The following IFNAR2 variants were observed in gnomAD, a reference collection of about 807,000 sequenced individuals.
IFNAR2 encodes interferon alpha and beta receptor subunit 2, also known as interferon alpha/beta receptor 2.
IFNAR2 carries 30 observed loss-of-function variants against 49.4 expected under a neutral mutation model. The ratio of observed to expected loss-of-function variants is 0.61; its 90% CI spans 0.45 to 0.82. The LOEUF is 0.82. Among genes scored for constraint, IFNAR2 ranks in the 40% least tolerant of loss-of-function variants. The probability of loss-of-function intolerance (pLI) is 0.00; values close to 1 mark genes in which losing one functional copy is unlikely to be tolerated. For missense variants in IFNAR2, 600 were observed against 622.7 expected, an observed-to-expected ratio of 0.96 and a Z score of 0.39; for synonymous variants, 224 against 234.5, an observed-to-expected ratio of 0.96 and a Z score of 0.41.
intron 1 of IFNAR2, among the ~76,000 whole-genome samples, chr21:33,231,343 G>C (rs1568872273): frequency 6.6e-6 from 1 of 152,172 alleles, no homozygotes; most frequent in East Asian, 1.9e-4. Context: ...AAAATGACTT[G>C]AACTTGTAAG....
chr21:33,245,789 C>A (rs1354344327), intron 4 of IFNAR2, among the ~76,000 whole-genome samples: 1 of 152,178 alleles, frequency 6.6e-6, no homozygotes, highest in Non-Finnish European at 1.5e-5. Flanking sequence ...ATTGACTGAG[C>A]CAGTGGGAGA....
chr21:33,230,494 C>A lies in IFNAR2; in HGVS notation c.-84+278C>A, dbSNP rs1289590623. 2.1e-6 allele frequency: 1 copy of A among 470,330 alleles called. No individual in the cohort carries two copies. 29.1% of individuals were successfully genotyped at this position (470,330 alleles called of 1,614,324 possible). A position where few individuals can be genotyped will look rare whatever the true frequency, so the allele number is the denominator to read the frequency against. On this transcript the variant is annotated intron_variant, in intron 1 of 8. Coordinates refer to ENST00000342136, the MANE Select transcript of IFNAR2 (RefSeq NM_001289125.3). The surrounding 1 kb of genome is among the most constrained non-coding windows in gnomAD (Gnocchi z 5.5). ...GCTGGGAGTCCGCTTTCGTTGCACCCCTCCGCGTCCCACCCCACCCCACCA... is the reference window on the plus strand; with the variant it reads ...GCTGGGAGTCCGCTTTCGTTGCACCACTCCGCGTCCCACCCCACCCCACCA...
rs1345841546 is a variant in IFNAR2 at position 33,229,948 on chromosome 21, T to G, written c.-352T>G. The stretch of plus-strand genomic sequence containing the variant: ...GGCGCCCGCGCTTCCGTATCGCTCC[T>G]CGTAGGCCGGGGCTCGGCGCGCGCA... On this transcript the variant is annotated 5_prime_UTR_variant, in exon 1 of 9. Transcript: ENST00000342136. 2.0e-6 allele frequency: 2 copies of G among 983,310 alleles called. No homozygotes were observed. Among genetic ancestry groups the G allele is most frequent in the Non-Finnish European group, 2.4e-6 (2 of 829,320 alleles). 60.9% of individuals were successfully genotyped at this position (983,310 alleles called of 1,614,324 possible).
chr21:33,262,504 A>G (rs1988675387), intron 8 of IFNAR2: 4 of 674,288 alleles, frequency 5.9e-6, no homozygotes, highest in South Asian at 3.2e-5. Context: ...TATTGCTGTC[A>G]TCATCATCAA....
intron 4 of IFNAR2, among the ~76,000 whole-genome samples, chr21:33,245,581 G>A (rs1350737724): frequency 6.6e-6 from 1 of 152,212 alleles, no homozygotes; most frequent in Non-Finnish European, 1.5e-5. Flanking sequence ...CACTTGGCAC[G>A]GACCTCAGCC....
intron 5 of IFNAR2, among the ~76,000 whole-genome samples, chr21:33,247,101 C>T (rs1376039758): frequency 6.6e-6 from 1 of 152,154 alleles, no homozygotes; most frequent in Non-Finnish European, 1.5e-5. Flanking sequence ...ATAATTTGTA[C>T]TTTGCAGATT....
chr21:33,237,167 TG>T (rs1372987539), intron 1 of IFNAR2, among the ~76,000 whole-genome samples: 1 of 151,246 alleles, frequency 6.6e-6, no homozygotes, highest in African/African-American at 2.4e-5. Context: ...AAGATGAAGA[TG>T]TGCCACCGTT....
chr21:33,244,618 C>A (rs2236756), intron 3 of IFNAR2, among the ~76,000 whole-genome samples: 103,661 of 151,908 alleles, frequency 0.68, 36,006 homozygotes, highest in African/African-American at 0.8. Context: ...GGAAGTGCAT[C>A]ATGTGGGCTG....
intron 7 of IFNAR2, among the ~76,000 whole-genome samples, chr21:33,255,313 G>A (rs1351000371): frequency 2.0e-5 from 3 of 152,122 alleles, no homozygotes; most frequent in African/African-American, 7.2e-5. Flanking sequence ...ACAGGTTAAA[G>A]GCTCAGTCCC....
chr21:33,247,791 AC>A (rs1436417299), intron 5 of IFNAR2, among the ~76,000 whole-genome samples: 1 of 152,210 alleles, frequency 6.6e-6, no homozygotes, highest in Admixed American at 6.5e-5. Context: ...TTCCAAGAGA[AC>A]CATCTGGTCT....
chr21:33,234,489 C>T (rs543523552), intron 1 of IFNAR2, among the ~76,000 whole-genome samples: 1 of 152,122 alleles, frequency 6.6e-6, no homozygotes, highest in Non-Finnish European at 1.5e-5. Flanking sequence ...TTATTCATTG[C>T]CTCCTTGACA....
chr21:33,255,429 T>G (rs1031630209), intron 7 of IFNAR2, among the ~76,000 whole-genome samples: 2 of 152,200 alleles, frequency 1.3e-5, no homozygotes, highest in African/African-American at 4.8e-5. Context: ...TCCCATGACC[T>G]CCCTTTAGGT....
chr21:33,263,736 G>T lies in IFNAR2; in HGVS notation c.*236G>T. 1.9e-6 allele frequency: 1 copy of T among 535,526 alleles called. No homozygotes were observed. The highest frequency in any genetic ancestry group is 3.3e-6 in the Non-Finnish European group (1 of 300,564). The allele number at this position is 535,526 out of a possible 1,614,324, so 33.2% of individuals were successfully genotyped here. On this transcript the variant is annotated 3_prime_UTR_variant, in exon 9 of 9. Transcript: ENST00000342136. Reference sequence around the variant, plus strand: ...GGTGCACTTTGAAGGAAGCACATGTGCACCTTTCCTTTACACTAATGCACT... The same window carrying T: ...GGTGCACTTTGAAGGAAGCACATGTTCACCTTTCCTTTACACTAATGCACT...
Position 33,230,384 on chromosome 21 carries a change from T to TG in IFNAR2, c.-84+169dup. 1.8e-6 allele frequency: 1 copy of TG among 561,056 alleles called. No homozygotes were observed. Among genetic ancestry groups the TG allele is most frequent in the Non-Finnish European group, 2.8e-6 (1 of 362,222 alleles). 34.8% of individuals were successfully genotyped at this position (561,056 alleles called of 1,614,324 possible). A position where few individuals can be genotyped will look rare whatever the true frequency, so the allele number is the denominator to read the frequency against. ...CTCTGCGTCTTGAGTATGCGGCTAG[T>TG]GCGCCCTTCCTCTCTCCCGGGGCCG... is the stretch of plus-strand genomic sequence containing the variant. On this transcript the variant is annotated intron_variant, in intron 1 of 8. Transcript: ENST00000342136. The surrounding 1 kb of genome is among the most constrained non-coding windows in gnomAD (Gnocchi z 5.5).
chr21:33,241,375 G>A (rs1304886397), intron 1 of IFNAR2, among the ~76,000 whole-genome samples: 2 of 151,944 alleles, frequency 1.3e-5, no homozygotes, highest in African/African-American at 4.8e-5. Flanking sequence ...CTATAGTAGG[G>A]GTACTAATTA....
At chr21:33,247,501 C>T (rs952763674) in intron 5 of IFNAR2, among the ~76,000 whole-genome samples, 10 of 152,132 alleles carry the variant, frequency 6.6e-5, no homozygotes, top group Non-Finnish European at 1.5e-4. Flanking sequence ...CCACCCGCCT[C>T]AGCCTGCCAA....
intron 8 of IFNAR2, 147 bp downstream of exon 8, chr21:33,260,874 A>G (rs1377201561): frequency 5.6e-6 from 3 of 538,058 alleles, no homozygotes; most frequent in Non-Finnish European, 9.3e-6. Context: ...GTTCTTTTCC[A>G]TATCTATAAA....
At chr21:33,242,472 C>G (rs1221757000) in intron 2 of IFNAR2, among the ~76,000 whole-genome samples, 2 of 151,900 alleles carry the variant, frequency 1.3e-5, no homozygotes, top group Non-Finnish European at 2.9e-5. Flanking sequence ...GTGGCTCGCG[C>G]CTGTAATCCC....
intron 7 of IFNAR2, among the ~76,000 whole-genome samples, chr21:33,258,092 G>A (rs936224281): frequency 1.3e-5 from 2 of 152,152 alleles, no homozygotes; most frequent in Non-Finnish European, 2.9e-5. Flanking sequence ...ATCACCTGAG[G>A]TCAGGAGTTC....
Sources: allele counts gnomAD v4.1 joint callset (sites outside exome capture counted in the v4.1 genomes callset), GRCh38; gene constraint gnomAD v4.1.1; non-coding constraint Gnocchi (gnomAD v3.1); transcripts MANE v1.5; gene names NCBI Gene and HGNC (gene_info 2026-07-23, HGNC 2026-07-21).